The following GALK1 variants were observed in gnomAD, a reference collection of about 807,000 sequenced individuals.
GALK1 encodes the protein galactokinase 1, also known as galactokinase.
Under a neutral mutation model 38.6 loss-of-function variants are expected in GALK1, and 30 were observed. That is an observed-to-expected ratio of 0.78 (90% CI 0.58 to 1.05). The LOEUF (loss-of-function observed/expected upper bound fraction) is 1.05, where lower values mean the gene tolerates loss of function less well. GALK1 is among the 50% of genes least tolerant of loss of function. The pLI is 0.00. For missense variants in GALK1, 512 were observed against 540.5 expected (o/e 0.95, Z 0.52); for synonymous variants, 240 against 233.6 (o/e 1.03, Z -0.25).
rs1449236242 is a variant in GALK1 at position 75,762,777 on chromosome 17, C to T, written c.720G>A (p.Arg240=). The change falls in exon 5 of 8, where the codon CGG becomes CGA. Residue 240 remains arginine (R), a synonymous_variant. Transcript: ENST00000588479. ...CCCGGGCCACTTCTTCACATTGGCG[C>T]CGCCGCACAGGGTACTCGCTGGAGG... ...SLASSEYPVR[R]RQCEEVARAL... The T allele has an allele frequency of 3.1e-6, 5 of 1,613,930 alleles. No homozygotes were observed. Among genetic ancestry groups the T allele is most frequent in the Non-Finnish European group, 3.4e-6 (4 of 1,180,018 alleles).
chr17:75,757,853 G>A, downstream of GALK1: 1 of 680,422 alleles, frequency 1.5e-6, no homozygotes, highest in Non-Finnish European at 2.5e-6. Context: ...GGGCCTGAGA[G>A]GTGCTCCCCT....
At chr17:75,755,162 C>G (rs748835678), downstream of GALK1, 3 of 1,611,488 alleles carry the variant, frequency 1.9e-6, no homozygotes, top group African/African-American at 1.3e-5. Flanking sequence ...CAGGGGCCCA[C>G]GAGACTCTAT....
downstream of GALK1, chr17:75,755,160 C>T (rs376640670): frequency 6.2e-7 from 1 of 1,611,616 alleles, no homozygotes; most frequent in Non-Finnish European, 8.5e-7. Context: ...TCCAGGGGCC[C>T]ACGAGACTCT....
At chr17:75,755,990 C>A, downstream of GALK1, 1 of 1,052,104 alleles carries the variant, frequency 9.5e-7, no homozygotes, top group Non-Finnish European at 1.4e-6. Flanking sequence ...CTGAGAGGGT[C>A]TCCCACCCCA....
In GALK1 at chr17:75,763,004, C is replaced by T. The variant is rs766858133; in HGVS notation, c.611+10G>A. The T allele has an allele frequency of 2.2e-5, 35 of 1,612,316 alleles. No homozygotes were observed. Among genetic ancestry groups the T allele is most frequent in the Non-Finnish European group, 2.6e-5 (31 of 1,179,998 alleles). Reference sequence around the variant, plus strand: ...GCAGGGCGGGAGGGGACGAGGGGAGCGAGCCCAACCTGCAGTCAATGAGCA... The same window carrying T: ...GCAGGGCGGGAGGGGACGAGGGGAGTGAGCCCAACCTGCAGTCAATGAGCA... On this transcript the variant is annotated intron_variant, in intron 4 of 7. Coordinates refer to ENST00000588479, the MANE Select transcript of GALK1 (RefSeq NM_000154.2).
chr17:75,764,764 C>A (rs1241945254), intron 1 of GALK1: 2 of 644,198 alleles, frequency 3.1e-6, no homozygotes, highest in Non-Finnish European at 5.4e-6. Flanking sequence ...CGGCCGCGCA[C>A]CCTCTCCCGG....
downstream of GALK1, chr17:75,755,220 CA>C: frequency 6.3e-7 from 1 of 1,598,516 alleles, no homozygotes; most frequent in Non-Finnish European, 8.5e-7. Flanking sequence ...CCAGGTAGTA[CA>C]GGGGTGGCCA....
chr17:75,752,552 G>A (rs763638728), intron 8 of GALK1: 3 of 1,613,516 alleles, frequency 1.9e-6, no homozygotes, highest in Middle Eastern at 1.6e-4. Flanking sequence ...CGGGCAGCCA[G>A]AGGCCCAGCG....
At chr17:75,754,955 TGCACAC>T (rs2061457252), downstream of GALK1, 23 of 1,279,898 alleles carry the variant, frequency 1.8e-5, no homozygotes, top group Non-Finnish European at 8.7e-6. Context: ...CGCACACACG[TGCACAC>T]GCATGCACAC....
intron 8 of GALK1, chr17:75,752,095 G>A: frequency 1.3e-6 from 2 of 1,482,264 alleles, no homozygotes; most frequent in Non-Finnish European, 1.9e-6. Flanking sequence ...GGGATGCACG[G>A]CCGTCCTGCT....
chr17:75,755,997 C>G, downstream of GALK1: 1 of 993,442 alleles, frequency 1.0e-6, no homozygotes, highest in Non-Finnish European at 1.5e-6. Flanking sequence ...GGTCTCCCAC[C>G]CCATTCTCCA....
downstream of GALK1, chr17:75,755,683 G>T (rs1362755741): frequency 1.9e-6 from 3 of 1,612,406 alleles, no homozygotes; most frequent in Non-Finnish European, 1.7e-6. Context: ...CTGGCTGACT[G>T]CGGCCTCCTG....
At chr17:75,764,292 G>A (rs1282626778) in intron 1 of GALK1, 1 of 757,286 alleles carries the variant, frequency 1.3e-6, no homozygotes, top group Non-Finnish European at 2.4e-6. Flanking sequence ...CGGGGCGGCT[G>A]CAGCTGGAGC....
At chr17:75,753,699 C>T (rs969988812), downstream of GALK1, 3 of 1,131,056 alleles carry the variant, frequency 2.7e-6, no homozygotes, top group Non-Finnish European at 3.4e-6. Flanking sequence ...ACGGCCTTCC[C>T]CCGCCTGGCC....
chr17:75,756,962 G>A, downstream of GALK1: 1 of 1,612,732 alleles, frequency 6.2e-7, no homozygotes, highest in Non-Finnish European at 8.5e-7. Context: ...CCGCATTCCG[G>A]GTGGATGGAG....
Position 75,757,912 on chromosome 17 carries a change from T to A in GALK1, c.*144A>T. On this transcript the variant is annotated 3_prime_UTR_variant, in exon 8 of 8. Transcript: ENST00000588479. Reference sequence around the variant, plus strand: ...TCCCCCATTCTCTGACACCCAAGCATACACCCACCTCTAGAGGAGGCAGGT... The same window carrying A: ...TCCCCCATTCTCTGACACCCAAGCAAACACCCACCTCTAGAGGAGGCAGGT... The A allele has an allele frequency of 1.1e-6, 1 of 934,060 alleles. No homozygotes were observed. Among genetic ancestry groups the A allele is most frequent in the Non-Finnish European group, 1.7e-6 (1 of 601,070 alleles). The allele number at this position is 934,060 out of a possible 1,614,324, so 57.9% of individuals were successfully genotyped here. A position where few individuals can be genotyped will look rare whatever the true frequency, so the allele number is the denominator to read the frequency against.
At position 75,752,262 on chromosome 17, in the gene GALK1, C is replaced by T; in HGVS notation, c.*23-525G>A. ...AGAACCTTCGGGAGTCCCAGCCCTACCGCTACACGGTGAAGGCGCGCAACG... is the reference window on the plus strand; with the variant it reads ...AGAACCTTCGGGAGTCCCAGCCCTATCGCTACACGGTGAAGGCGCGCAACG... On this transcript the variant is annotated intron_variant, in intron 8 of 8. Transcript: ENST00000225614. 3.1e-6 allele frequency: 5 copies of T among 1,613,558 alleles called. No individual in the cohort carries two copies. In the South Asian group the frequency reaches 4.4e-5, roughly 14 times the overall value.
Position 75,758,459 on chromosome 17 carries a change from G to C in GALK1, c.934C>G (p.Arg312Gly). Reference sequence around the variant, plus strand: ...CCCAGAGGGCCTCACCTGAGTGAGCGGTGGCTCTCCACCATGAGGCGGCCA... The same window carrying C: ...CCCAGAGGGCCTCACCTGAGTGAGCCGTGGCTCTCCACCATGAGGCGGCCA... Reference protein sequence around the residue: ...AFGRLMVESHRSLRDDYEVSC... With the variant: ...AFGRLMVESHGSLRDDYEVSC... Residue 312 changes from arginine to glycine, a missense_variant, in exon 6 of 8, where the codon CGC becomes GGC. Transcript: ENST00000588479. The C allele has an allele frequency of 1.3e-6, 2 of 1,574,966 alleles. 1 individual carries two copies.
At chr17:75,762,122 A>C (rs2061589984) in intron 5 of GALK1, among the ~76,000 whole-genome samples, 1 of 152,190 alleles carries the variant, frequency 6.6e-6, no homozygotes, top group Non-Finnish European at 1.5e-5. Context: ...GCCAGAGTTC[A>C]GGATCAGCCT....
Sources: allele counts gnomAD v4.1 joint callset (sites outside exome capture counted in the v4.1 genomes callset), GRCh38; gene constraint gnomAD v4.1.1; transcripts MANE v1.5; gene names NCBI Gene and HGNC (gene_info 2026-07-23, HGNC 2026-07-21).